The following LRCH1 variants were observed in gnomAD, a reference collection of about 807,000 sequenced individuals.
The protein encoded by LRCH1 is leucine-rich repeat and calponin homology domain-containing protein 1.
LRCH1 carries 23 observed loss-of-function variants against 94.9 expected under a neutral mutation model. That is an observed-to-expected ratio of 0.24 (90% confidence interval 0.17 to 0.34). The LOEUF is 0.34. Among genes scored for constraint, LRCH1 ranks in the 10% least tolerant of loss-of-function variants. LRCH1 has a pLI of 1.00. For missense variants in LRCH1, 790 were observed against 945.9 expected (o/e 0.84, Z 2.16); for synonymous variants, 364 against 354.9 (o/e 1.03, Z -0.29).
chr13:46,646,632 T>C (rs1342334845), intron 1 of LRCH1, among the ~76,000 whole-genome samples: 1 of 152,250 alleles, frequency 6.6e-6, no homozygotes, highest in Non-Finnish European at 1.5e-5. Context: ...CATTCATTTT[T>C]ATGGCTGCAT....
Position 46,744,813 on chromosome 13 carries a change from T to A in LRCH1, c.*2965T>A. ...GGATTAGGTGAAAAATACTTTAATA[T>A]GATTTTATTTCAGGAGACTTGATTT... On this transcript the variant is annotated 3_prime_UTR_variant, in exon 20 of 20. Transcript: ENST00000389797. 1.0e-6 allele frequency: 1 copy of A among 983,754 alleles called. No homozygotes were observed. Among genetic ancestry groups the A allele is most frequent in the Non-Finnish European group, 1.2e-6 (1 of 828,408 alleles). The allele number at this position is 983,754 out of a possible 1,614,324, so 60.9% of individuals were successfully genotyped here. A position where few individuals can be genotyped will look rare whatever the true frequency, so the allele number is the denominator to read the frequency against.
At chr13:46,748,973 A>G (rs1375004418), downstream of LRCH1, among the ~76,000 whole-genome samples, 1 of 152,228 alleles carries the variant, frequency 6.6e-6, no homozygotes, top group Non-Finnish European at 1.5e-5. Flanking sequence ...TGGAGATGTC[A>G]TGTCATGTCC....
intron 2 of LRCH1, among the ~76,000 whole-genome samples, chr13:46,664,537 T>C (rs1455247125): frequency 6.6e-6 from 1 of 152,118 alleles, no homozygotes; most frequent in African/African-American, 2.4e-5. Context: ...AGCCATGGAG[T>C]AGGCTAGACA....
At chr13:46,746,658 G>T (rs375627246), downstream of LRCH1, among the ~76,000 whole-genome samples, 116 of 152,334 alleles carry the variant, frequency 7.6e-4, 3 homozygotes, top group South Asian at 0.022. Context: ...AGCTGTCTCT[G>T]CTGTAAGTCC....
At position 46,687,879 on chromosome 13, in the gene LRCH1, T is replaced by C; in HGVS notation, c.850T>C (p.Phe284Leu). 1 of 1,612,400 alleles carries C rather than the reference T, an allele frequency of 6.2e-7. No individual in the cohort carries two copies. ...QICTKGKVHI[F>L]KYLSIQACQI... The stretch of plus-strand genomic sequence containing the variant: ...TTGCACAAAGGGCAAAGTTCACATA[T>C]TTAAGTATCTGAGCATACAAGCATG... Residue 284 changes from phenylalanine (F) to leucine (L), a missense_variant, in exon 6 of 20, where the codon TTT becomes CTT. Coordinates refer to ENST00000389797, the MANE Select transcript of LRCH1 (RefSeq NM_001164211.2).
intron 3 of LRCH1, among the ~76,000 whole-genome samples, chr13:46,672,705 C>T (rs1223245111): frequency 6.6e-6 from 1 of 152,204 alleles, no homozygotes; most frequent in Non-Finnish European, 1.5e-5. Flanking sequence ...CCAGCTCTAA[C>T]GAGGGCTGCC....
rs754283945 is a variant in LRCH1 at position 46,553,556 on chromosome 13, G to T, written c.160G>T (p.Gly54Cys). Residue 54 changes from glycine (G) to cysteine (C), a missense_variant, in exon 1 of 20, where the codon GGC becomes TGC. Physicochemically the swap from Gly to Cys is radical, Grantham distance 159 (BLOSUM62 -3). This residue lies in a region of LRCH1 where 136 missense variants were observed against 143.5 expected (regional missense o/e 0.95). Transcript: ENST00000389797. ...GAGGGGGGSG[G>C]FNLPLNRGLE... ...GGGTGGTGGCGGCGGTGGCAGCGGG[G>T]GCTTCAACCTGCCCTTGAACCGGGG... 2.1e-5 allele frequency: 33 copies of T among 1,547,766 alleles called. No individual in the cohort carries two copies. The South Asian group carries it at 3.7e-4, about 17-fold the overall frequency.
chr13:46,657,328 T>C (rs1202243455), intron 2 of LRCH1, among the ~76,000 whole-genome samples: 1 of 151,506 alleles, frequency 6.6e-6, no homozygotes, highest in Non-Finnish European at 1.5e-5. Context: ...ACTTACTATA[T>C]ATCCTCTAAG....
At chr13:46,746,207 T>C (rs181863022), downstream of LRCH1, among the ~76,000 whole-genome samples, 2 of 152,344 alleles carry the variant, frequency 1.3e-5, no homozygotes, top group Admixed American at 1.3e-4. Flanking sequence ...CTATATTAGT[T>C]TTCTCATCTG....
intron 19 of LRCH1, among the ~76,000 whole-genome samples, chr13:46,739,073 A>G (rs1366831127): frequency 6.6e-6 from 1 of 152,248 alleles, no homozygotes; most frequent in Non-Finnish European, 1.5e-5. Flanking sequence ...TTAAGATTAT[A>G]TTTAAGTAAA....
At position 46,744,564 on chromosome 13, in the gene LRCH1, C is replaced by T. The variant is rs1353421851; in HGVS notation, c.*2716C>T. ...CCGCAGAACTACAATGTATGATAAT[C>T]GAGTATAAATTTCATCAATGAGAGT... On this transcript the variant is annotated 3_prime_UTR_variant, in exon 20 of 20. Coordinates refer to ENST00000389797, the MANE Select transcript of LRCH1 (RefSeq NM_001164211.2). 6.1e-6 allele frequency: 6 copies of T among 985,172 alleles called. No individual in the cohort carries two copies. The highest frequency in any genetic ancestry group is 7.2e-6 in the Non-Finnish European group (6 of 829,936). 61.0% of individuals were successfully genotyped at this position (985,172 alleles called of 1,614,324 possible). A position where few individuals can be genotyped will look rare whatever the true frequency, so the allele number is the denominator to read the frequency against.
intron 1 of LRCH1, among the ~76,000 whole-genome samples, chr13:46,574,708 T>A (rs7319949): frequency 1.3e-5 from 2 of 152,124 alleles, no homozygotes; most frequent in Non-Finnish European, 2.9e-5. Context: ...TAAAAGGAAG[T>A]TAAACACATT....
Position 46,743,186 on chromosome 13 carries a change from A to G in LRCH1, c.*1338A>G, listed in dbSNP as rs1330226096. 3.0e-6 allele frequency: 3 copies of G among 985,652 alleles called. No homozygotes were observed. Among genetic ancestry groups the G allele is most frequent in the Non-Finnish European group, 3.6e-6 (3 of 829,906 alleles). The allele number at this position is 985,652 out of a possible 1,614,324, so 61.1% of individuals were successfully genotyped here. On this transcript the variant is annotated 3_prime_UTR_variant, in exon 20 of 20. Transcript: ENST00000389797. ...TAAATTTCTAGTTTATTAAGATGCA[A>G]ACAGCTCTCATAGATGGCTACTACG...
chr13:46,706,181 G>A (rs777616598), intron 13 of LRCH1, among the ~76,000 whole-genome samples: 4 of 152,202 alleles, frequency 2.6e-5, no homozygotes, highest in Non-Finnish European at 4.4e-5. Flanking sequence ...TAAGCGCAGC[G>A]ACTTGGAATT....
At chr13:46,582,681 A>G (rs1256095404) in intron 1 of LRCH1, among the ~76,000 whole-genome samples, 1 of 12,024 alleles carries the variant, frequency 8.3e-5, no homozygotes, top group Non-Finnish European at 2.2e-4. Flanking sequence ...TTGTATTTTT[A>G]GTAGAGACGG....
chr13:46,720,406 C>A (rs1315374760), intron 16 of LRCH1, among the ~76,000 whole-genome samples: 5 of 152,088 alleles, frequency 3.3e-5, no homozygotes. Flanking sequence ...CCCCCAAAAC[C>A]AATCACCGCC....
chr13:46,727,668 G>A (rs1490460676), intron 17 of LRCH1, among the ~76,000 whole-genome samples: 2 of 152,020 alleles, frequency 1.3e-5, no homozygotes, highest in Non-Finnish European at 2.9e-5. Context: ...TCAACATGGG[G>A]GATCCTTGTG....
At chr13:46,596,036 C>T (rs911680053) in intron 1 of LRCH1, among the ~76,000 whole-genome samples, 4 of 152,128 alleles carry the variant, frequency 2.6e-5, no homozygotes, top group African/African-American at 9.7e-5. Flanking sequence ...ATACAAGTAA[C>T]CAGTTTTGAG....
At chr13:46,700,447 G>A (rs1450128907) in intron 10 of LRCH1, among the ~76,000 whole-genome samples, 2 of 152,156 alleles carry the variant, frequency 1.3e-5, no homozygotes, top group Admixed American at 1.3e-4. Context: ...GGCCTAGCTT[G>A]ATTAAACAAT....
Sources: gnomAD v4.1 joint callset for allele counts (sites outside exome capture counted in the v4.1 genomes callset) on GRCh38, gnomAD v4.1.1 for gene constraint, gnomAD v4.1.1 regional missense constraint, MANE v1.5 for transcripts, NCBI Gene and HGNC (gene_info 2026-07-23, HGNC 2026-07-21) for gene names.